Variants in EEF2KMT observed in about 807,000 individuals in gnomAD.
EEF2KMT encodes the protein eukaryotic elongation factor 2 lysine methyltransferase.
Under a neutral mutation model 35.1 loss-of-function variants are expected in EEF2KMT, and 30 were observed. That is an observed-to-expected ratio of 0.85 (90% CI 0.64 to 1.16). EEF2KMT has a LOEUF of 1.16. Ranked by LOEUF, EEF2KMT falls within the 50% of genes most tolerant of loss-of-function variation. The pLI, the probability that EEF2KMT is intolerant of heterozygous loss-of-function variation, is 0.00. For missense variants in EEF2KMT, 499 were observed against 438.2 expected, an observed-to-expected ratio of 1.14 and a Z score of -1.24; for synonymous variants, 190 against 187.7, an observed-to-expected ratio of 1.01 and a Z score of -0.10.
intron 7 of EEF2KMT, among the ~76,000 whole-genome samples, chr16:5,088,094 A>G (rs1359773474): frequency 6.6e-6 from 1 of 151,828 alleles, no homozygotes; most frequent in Non-Finnish European, 1.5e-5. Context: ...GGCGTGTGCA[A>G]CCACATCTGG....
At chr16:5,097,297 C>T (rs1363202798) in intron 1 of EEF2KMT, 1 of 1,347,732 alleles carries the variant, frequency 7.4e-7, no homozygotes, top group African/African-American at 1.5e-5. Flanking sequence ...CCTGACGGCG[C>T]TGACTTTTTA....
chr16:5,097,777 C>T lies in EEF2KMT; in HGVS notation c.-38G>A. ...GCCGCAGCGTTGCCGGCAGACCGGG[C>T]GGAAGCCCGGCCTGGACTGAAGAGG... On this transcript the variant is annotated 5_prime_UTR_variant, in exon 1 of 8. Transcript: ENST00000427587. The T allele has an allele frequency of 6.5e-7, 1 of 1,533,990 alleles. No homozygotes were observed.
chr16:5,095,060 C>A (rs966353706), intron 2 of EEF2KMT, among the ~76,000 whole-genome samples: 49 of 152,262 alleles, frequency 3.2e-4, no homozygotes, highest in African/African-American at 1.1e-3. Flanking sequence ...AAAGCAAGGG[C>A]CCATTTAGGT....
At chr16:5,085,878 G>C (rs1596267039) in intron 7 of EEF2KMT, 146 bp from the exon 8 acceptor site, 1 of 706,866 alleles carries the variant, frequency 1.4e-6, no homozygotes, top group South Asian at 1.5e-5. Flanking sequence ...GGCCCACCCA[G>C]GTGCCTAGAA....
intron 3 of EEF2KMT, among the ~76,000 whole-genome samples, chr16:5,092,851 T>G (rs1235014763): frequency 1.3e-5 from 2 of 151,974 alleles, no homozygotes; most frequent in Admixed American, 1.3e-4. Flanking sequence ...AGTCCCAGCT[T>G]CTTAGGAGGC....
chr16:5,089,661 G>T (rs1957298194), intron 6 of EEF2KMT, among the ~76,000 whole-genome samples: 2 of 152,152 alleles, frequency 1.3e-5, no homozygotes, highest in African/African-American at 4.8e-5. Context: ...TCAGGGCTGG[G>T]ACCTAGGACC....
intron 1 of EEF2KMT, chr16:5,097,334 G>C (rs1957492337): frequency 7.1e-7 from 1 of 1,408,588 alleles, no homozygotes; most frequent in Non-Finnish European, 9.4e-7. Context: ...CTGTGTCCCA[G>C]TGACCAGAAC....
chr16:5,089,688 T>C (rs1261220790), intron 6 of EEF2KMT, among the ~76,000 whole-genome samples: 6 of 152,044 alleles, frequency 3.9e-5, no homozygotes, highest in Admixed American at 6.6e-5. Context: ...AGAGCTCTGT[T>C]CCACCAGAGA....
chr16:5,093,061 G>T (rs932285756), intron 3 of EEF2KMT, among the ~76,000 whole-genome samples: 1 of 152,252 alleles, frequency 6.6e-6, no homozygotes, highest in Non-Finnish European at 1.5e-5. Context: ...AGAGGAACTA[G>T]TTCCGAAGGT....
At chr16:5,092,068 A>G (rs1957351374) in intron 3 of EEF2KMT, 173 bp from the exon 4 acceptor site, 8 of 1,256,228 alleles carry the variant, frequency 6.4e-6, no homozygotes, top group Non-Finnish European at 8.7e-6. Context: ...GAATAGTCCC[A>G]GCTACTCTAG....
intron 7 of EEF2KMT, among the ~76,000 whole-genome samples, chr16:5,088,228 C>T (rs1957254070): frequency 6.7e-6 from 1 of 150,076 alleles, no homozygotes; most frequent in East Asian, 2.0e-4. Context: ...AGGCCTGAGC[C>T]CTGCGCCCGG....
chr16:5,086,446 A>T (rs1957175457), intron 7 of EEF2KMT: 1 of 151,876 alleles, frequency 6.6e-6, no homozygotes. Context: ...GTTAGCCAGA[A>T]TGATTCTTTT....
chr16:5,093,332 C>T lies in EEF2KMT; in HGVS notation c.240+152G>A, dbSNP rs149731979. 6.9e-4 allele frequency: 840 copies of T among 1,214,694 alleles called. 8 individuals carry two copies. The African/African-American group carries it at 0.011, about 15-fold the overall frequency. The allele number at this position is 1,214,694 out of a possible 1,614,324, so 75.2% of individuals were successfully genotyped here. On this transcript the variant is annotated intron_variant, in intron 3 of 7. Transcript: ENST00000427587. The stretch of plus-strand genomic sequence containing the variant: ...CTTCTTCCCGCCCTGCACTGTCTCC[C>T]ATGGGTCACATGTGGCTGCAGCCAG...
intron 7 of EEF2KMT, among the ~76,000 whole-genome samples, chr16:5,088,733 G>C (rs543147440): frequency 8.5e-5 from 13 of 152,094 alleles, no homozygotes; most frequent in African/African-American, 2.9e-4. Context: ...TGGTGGATCC[G>C]CCTGTACATC....
chr16:5,094,500 T>G (rs1957411089), intron 2 of EEF2KMT, among the ~76,000 whole-genome samples: 1 of 152,168 alleles, frequency 6.6e-6, no homozygotes. Flanking sequence ...TGACCTTAGG[T>G]GATCTGTCCA....
chr16:5,095,558 G>C (rs749847293), intron 1 of EEF2KMT, 44 bp from the exon 2 acceptor site: 28 of 1,609,868 alleles, frequency 1.7e-5, no homozygotes, highest in Non-Finnish European at 2.3e-5. Context: ...CGCATTCACA[G>C]GAACATTAAA....
chr16:5,092,703 C>T (rs1264202637), intron 3 of EEF2KMT, among the ~76,000 whole-genome samples: 2 of 152,238 alleles, frequency 1.3e-5, no homozygotes, highest in Non-Finnish European at 2.9e-5. Flanking sequence ...TGGCTCATGC[C>T]TGTAATCCCA....
intron 6 of EEF2KMT, among the ~76,000 whole-genome samples, 158 bp downstream of exon 6, chr16:5,089,926 C>T (rs1480446448): frequency 6.6e-6 from 1 of 152,250 alleles, no homozygotes; most frequent in Non-Finnish European, 1.5e-5. Flanking sequence ...AGAGGCACCC[C>T]TGTCCTGTGA....
chr16:5,095,545 G>C (rs760495182), intron 1 of EEF2KMT, 31 bp from the exon 2 acceptor site: 2 of 1,610,714 alleles, frequency 1.2e-6, no homozygotes, highest in Middle Eastern at 2.3e-4. Context: ...GAAATCTCAA[G>C]GGCGCATTCA....
Sources: allele counts gnomAD v4.1 joint callset (sites outside exome capture counted in the v4.1 genomes callset), GRCh38; gene constraint gnomAD v4.1.1; transcripts MANE v1.5; gene names NCBI Gene and HGNC (gene_info 2026-07-23, HGNC 2026-07-21).